The following STOX2 variants were observed in gnomAD, a reference collection of about 807,000 sequenced individuals.
STOX2 encodes storkhead-box protein 2.
A neutral mutation model predicts 60.9 loss-of-function variants in STOX2; 28 were observed. That is an observed-to-expected ratio of 0.46 (90% CI 0.34 to 0.63). The LOEUF is 0.63. Ranked by LOEUF, STOX2 falls within the 30% of genes least tolerant of loss-of-function variation. STOX2 has a pLI of 0.01. For synonymous variants in STOX2, 472 were observed against 463.9 expected (o/e 1.02, Z -0.22); for missense variants, 1,024 against 1,187.7 (o/e 0.86, Z 2.03).
At chr4:183,909,642 T>G (rs1478361728) in intron 1 of STOX2, among the ~76,000 whole-genome samples, 1 of 152,224 alleles carries the variant, frequency 6.6e-6, no homozygotes, top group Non-Finnish European at 1.5e-5. Context: ...GTTTTAAACT[T>G]CAGGACATGA....
chr4:183,862,890 C>A (rs1381335325), intron 1 of STOX2, among the ~76,000 whole-genome samples: 9 of 152,226 alleles, frequency 5.9e-5, no homozygotes, highest in Non-Finnish European at 1.0e-4. Flanking sequence ...CCTCGTGAGG[C>A]CTACAAGGAA....
intron 3 of STOX2, 83 bp from the exon 4 acceptor site, chr4:184,017,006 C>A: frequency 8.8e-7 from 1 of 1,138,576 alleles, no homozygotes; most frequent in Non-Finnish European, 1.2e-6. Flanking sequence ...CCATTAACGA[C>A]ATCATTTGCT....
chr4:183,847,393 G>A (rs911210458), intron 1 of STOX2, among the ~76,000 whole-genome samples: 2 of 152,090 alleles, frequency 1.3e-5, no homozygotes, highest in Non-Finnish European at 2.9e-5. Flanking sequence ...TTTGCCCCAG[G>A]TGTCAGCAAC....
chr4:183,999,469 A>G (rs1188061498), intron 1 of STOX2, among the ~76,000 whole-genome samples: 2 of 151,648 alleles, frequency 1.3e-5, no homozygotes, highest in African/African-American at 4.9e-5. Flanking sequence ...GGATGTGGGT[A>G]CTCCTGTCTC....
intron 1 of STOX2, among the ~76,000 whole-genome samples, chr4:183,925,867 A>G (rs962390450): frequency 6.6e-6 from 1 of 152,026 alleles, no homozygotes; most frequent in Non-Finnish European, 1.5e-5. Flanking sequence ...TGCTCCTTTT[A>G]GTATTTGAAA....
intron 1 of STOX2, among the ~76,000 whole-genome samples, chr4:183,892,318 G>A (rs1428828228): frequency 4.6e-5 from 7 of 152,134 alleles, no homozygotes; most frequent in Middle Eastern, 3.2e-3. Context: ...TCGCTCTGTC[G>A]CCCAGGCTGG....
Position 183,906,563 on chromosome 4 carries a change from T to G in STOX2, c.-228T>G, listed in dbSNP as rs1317309083. On this transcript the variant is annotated 5_prime_UTR_variant, in exon 1 of 4. Coordinates refer to ENST00000308497, the MANE Select transcript of STOX2 (RefSeq NM_020225.3). ...TAAGCCGGGCGGATTGCAAATGAAG[T>G]GTAATGCATTGTGGGACGTGTGTAA... is the stretch of plus-strand genomic sequence containing the variant. The G allele has an allele frequency of 4.9e-6, 2 of 406,028 alleles. No individual in the cohort carries two copies. Among genetic ancestry groups the G allele is most frequent in the Non-Finnish European group, 8.7e-6 (2 of 230,288 alleles). 25.2% of individuals were successfully genotyped at this position (406,028 alleles called of 1,614,324 possible). A position where few individuals can be genotyped will look rare whatever the true frequency, so the allele number is the denominator to read the frequency against.
chr4:183,807,011 C>A (rs757146100), intron 1 of STOX2, among the ~76,000 whole-genome samples: 7 of 151,846 alleles, frequency 4.6e-5, no homozygotes, highest in African/African-American at 7.3e-5. Context: ...CTTGCTCTGT[C>A]GCCCAGGCTG....
chr4:184,019,678 A>T lies in STOX2; in HGVS notation c.*2394A>T, dbSNP rs542474862. On this transcript the variant is annotated 3_prime_UTR_variant, in exon 4 of 4. Transcript: ENST00000308497. ...GATGCTATGGGGTACATAATTTTTT[A>T]AAAACTCCCTTAGACCAGCAGCCAT... 43 of 152,376 alleles carry T rather than the reference A, an allele frequency of 2.8e-4. No homozygotes were observed. The highest frequency in any genetic ancestry group is 2.4e-3 in the Admixed American group (36 of 15,304). The allele number at this position is 152,376 out of a possible 1,614,324, so 9.4% of individuals were successfully genotyped here.
intron 1 of STOX2, among the ~76,000 whole-genome samples, chr4:183,859,613 A>G (rs1355574159): frequency 6.6e-6 from 1 of 152,276 alleles, no homozygotes. Context: ...CCACCCACCC[A>G]CAGGACAGTT....
intron 1 of STOX2, among the ~76,000 whole-genome samples, chr4:183,854,925 A>G (rs891531296): frequency 6.6e-6 from 1 of 152,186 alleles, no homozygotes; most frequent in African/African-American, 2.4e-5. Context: ...CAACATTAAA[A>G]TCTTAGATCT....
chr4:183,828,512 TA>T (rs1183814656), intron 1 of STOX2, among the ~76,000 whole-genome samples: 1 of 151,812 alleles, frequency 6.6e-6, no homozygotes, highest in African/African-American at 2.4e-5. Context: ...CCCCCCTTTA[TA>T]AAAAAAATGG....
At position 184,000,998 on chromosome 4, in the gene STOX2, A is replaced by C. The variant is rs1295287823; in HGVS notation, c.167-327A>C. On this transcript the variant is annotated intron_variant, in intron 1 of 3. Coordinates refer to ENST00000308497, the MANE Select transcript of STOX2 (RefSeq NM_020225.3). ...TCGGGATATGAATGGCAGTTATTAA[A>C]TAAATCAGCTCCAAGTTAATAAAAA... Among the ~76,000 whole-genome samples, 5 of 152,350 alleles carry C rather than the reference A, an allele frequency of 3.3e-5. No individual in the cohort carries two copies. The East Asian group carries it at 9.6e-4, about 29-fold the overall frequency.
intron 1 of STOX2, among the ~76,000 whole-genome samples, chr4:183,907,282 G>C (rs1340113720): frequency 6.6e-6 from 1 of 152,190 alleles, no homozygotes; most frequent in Admixed American, 6.5e-5. Flanking sequence ...GCCCAGGGTT[G>C]CCTGCAGTGC....
intron 1 of STOX2, among the ~76,000 whole-genome samples, chr4:183,927,465 G>A (rs1742273687): frequency 2.0e-5 from 3 of 151,282 alleles, no homozygotes; most frequent in African/African-American, 7.3e-5. Flanking sequence ...AGCATCTTTG[G>A]GCCTCTAAAA....
At chr4:183,898,782 G>A (rs531415239) in intron 1 of STOX2, among the ~76,000 whole-genome samples, 1 of 152,232 alleles carries the variant, frequency 6.6e-6, no homozygotes, top group South Asian at 2.1e-4. Flanking sequence ...AACCAAATAA[G>A]GATGAAACCA....
intron 1 of STOX2, among the ~76,000 whole-genome samples, chr4:183,875,663 G>A (rs188429964): frequency 4.0e-4 from 61 of 152,360 alleles, no homozygotes; most frequent in African/African-American, 1.5e-3. Flanking sequence ...TGGAAGAGGA[G>A]GGTATACTTA....
At chr4:183,839,382 G>T (rs2111128981) in intron 1 of STOX2, among the ~76,000 whole-genome samples, 1 of 152,080 alleles carries the variant, frequency 6.6e-6, no homozygotes, top group Admixed American at 6.5e-5. Context: ...GAAAAGTTTG[G>T]GTGCCACTGA....
At chr4:183,893,739 T>C (rs1380909537) in intron 1 of STOX2, among the ~76,000 whole-genome samples, 2 of 152,196 alleles carry the variant, frequency 1.3e-5, no homozygotes, top group African/African-American at 4.8e-5. Context: ...TATTTGTTCC[T>C]CTTATAAAGC....
Sources: allele counts gnomAD v4.1 joint callset (sites outside exome capture counted in the v4.1 genomes callset), GRCh38; gene constraint gnomAD v4.1.1; transcripts MANE v1.5; gene names NCBI Gene and HGNC (gene_info 2026-07-23, HGNC 2026-07-21).